Variants in PLPPR1 observed in about 807,000 individuals in gnomAD.
PLPPR1 encodes phospholipid phosphatase-related protein type 1.
A neutral mutation model predicts 33.1 loss-of-function variants in PLPPR1; 10 were observed. The observed-to-expected ratio is 0.30, with a 90% CI of 0.19 to 0.51. The LOEUF is 0.51. PLPPR1 is among the 20% of genes least tolerant of loss of function. The probability of loss-of-function intolerance (pLI) is 0.97; values close to 1 mark genes in which losing one functional copy is unlikely to be tolerated. For synonymous variants in PLPPR1, 151 were observed against 151.0 expected (o/e 1.00, Z 0.00); for missense variants, 304 against 408.1 (o/e 0.74, Z 2.20).
intron 1 of PLPPR1, among the ~76,000 whole-genome samples, chr9:101,144,436 T>C (rs766565129): frequency 6.6e-6 from 1 of 152,104 alleles, no homozygotes; most frequent in Non-Finnish European, 1.5e-5. Context: ...TTAAGTTAAA[T>C]GGGGTCATTG....
In PLPPR1 at chr9:101,178,267, C is replaced by T. The variant is rs374844819; in HGVS notation, c.-45-7183C>T. ...GGGCTCAGCATCATGGACTTCCACT[C>T]ACCAAGGCTGACCTGGCTACTGCCA... is the stretch of plus-strand genomic sequence containing the variant. On this transcript the variant is annotated intron_variant, in intron 1 of 7. Transcript: ENST00000374874. 9.8e-5 allele frequency among the ~76,000 whole-genome samples: 15 copies of T among 152,330 alleles called. No individual in the cohort carries two copies. In the East Asian group the frequency reaches 2.7e-3, roughly 27 times the overall value.
intron 2 of PLPPR1, among the ~76,000 whole-genome samples, chr9:101,192,273 A>G (rs771150463): frequency 1.3e-4 from 20 of 152,328 alleles, no homozygotes; most frequent in East Asian, 1.2e-3. Context: ...ACATTTTTAC[A>G]TTTAAGTAAC....
At chr9:101,315,544 A>T (rs1207071565) in intron 6 of PLPPR1, among the ~76,000 whole-genome samples, 1 of 152,220 alleles carries the variant, frequency 6.6e-6, no homozygotes, top group Non-Finnish European at 1.5e-5. Context: ...CATAACATGC[A>T]GCCCTGTTTC....
intron 1 of PLPPR1, among the ~76,000 whole-genome samples, chr9:101,128,661 A>G (rs533673393): frequency 6.6e-5 from 10 of 152,300 alleles, no homozygotes; most frequent in Non-Finnish European, 1.2e-4. Flanking sequence ...ATAGGTAGGT[A>G]TTATCAATTT....
chr9:101,057,798 A>G (rs117043915), intron 1 of PLPPR1, among the ~76,000 whole-genome samples: 1 of 152,134 alleles, frequency 6.6e-6, no homozygotes, highest in African/African-American at 2.4e-5. Flanking sequence ...ATTCTTTTCT[A>G]TTGGAAGGAG....
chr9:101,282,012 G>A (rs933536765), intron 3 of PLPPR1, among the ~76,000 whole-genome samples: 10 of 152,048 alleles, frequency 6.6e-5, no homozygotes, highest in Non-Finnish European at 7.4e-5. Flanking sequence ...AACTGATATC[G>A]CACCTTTTCT....
chr9:101,049,219 T>C (rs1386262990), intron 1 of PLPPR1, among the ~76,000 whole-genome samples: 1 of 152,224 alleles, frequency 6.6e-6, no homozygotes, highest in Non-Finnish European at 1.5e-5. Flanking sequence ...TTTCATTGAG[T>C]AATCCAACTT....
At chr9:101,239,064 T>A (rs1246288098) in intron 2 of PLPPR1, among the ~76,000 whole-genome samples, 4 of 120,864 alleles carry the variant, frequency 3.3e-5, no homozygotes, top group Admixed American at 8.0e-5. Flanking sequence ...TCATTGAGTG[T>A]GTGTGTGTGT....
chr9:101,181,599 G>A (rs1028437359), intron 1 of PLPPR1, among the ~76,000 whole-genome samples: 1 of 128,634 alleles, frequency 7.8e-6, no homozygotes, highest in African/African-American at 3.1e-5. Flanking sequence ...AAAGAAATTG[G>A]GTATATGTAT....
chr9:101,076,682 A>G lies in PLPPR1; in HGVS notation c.-46+47580A>G, dbSNP rs76460541. Among the ~76,000 whole-genome samples, 1,238 of 152,344 alleles carry G rather than the reference A, an allele frequency of 8.1e-3. 7 individuals are homozygous for G. The highest frequency in any genetic ancestry group is 0.013 in the Admixed American group (198 of 15,296). On this transcript the variant is annotated intron_variant, in intron 1 of 7. Transcript: ENST00000374874. ...CTAGTTGAAATAAACAATTGACTTTAGCAATGGAATATAATTAGGAGAGTT... is the reference window on the plus strand; with the variant it reads ...CTAGTTGAAATAAACAATTGACTTTGGCAATGGAATATAATTAGGAGAGTT...
intron 1 of PLPPR1, among the ~76,000 whole-genome samples, chr9:101,133,305 C>T (rs1297429045): frequency 6.6e-6 from 1 of 151,758 alleles, no homozygotes; most frequent in Non-Finnish European, 1.5e-5. Flanking sequence ...TAATTATTTC[C>T]CCTGAGTTTA....
chr9:101,206,318 T>G (rs1588071839), intron 2 of PLPPR1, among the ~76,000 whole-genome samples: 1 of 152,230 alleles, frequency 6.6e-6, no homozygotes, highest in Non-Finnish European at 1.5e-5. Context: ...GATTTCCAGG[T>G]TCATACTCTC....
chr9:101,150,730 C>T lies in PLPPR1; in HGVS notation c.-45-34720C>T, dbSNP rs183962903. ...TGTCTCTATCAACTAGGTGGTTATG[C>T]GGTGGATCATAGGAAGAGCCACTCG... On this transcript the variant is annotated intron_variant, in intron 1 of 7. Transcript: ENST00000374874. Among the ~76,000 whole-genome samples the T allele has an allele frequency of 1.9e-3, 288 of 152,232 alleles. 7 individuals are homozygous for T. The highest frequency in any genetic ancestry group is 7.6e-4 in the Non-Finnish European group (52 of 68,006).
intron 2 of PLPPR1, among the ~76,000 whole-genome samples, chr9:101,244,087 AGTGT>A (rs1371274652): frequency 6.6e-6 from 1 of 151,940 alleles, no homozygotes; most frequent in Non-Finnish European, 1.5e-5. Flanking sequence ...AGTGAACAGG[AGTGT>A]CAAATGCTGC....
chr9:101,194,459 CA>C (rs1184827360), intron 2 of PLPPR1, among the ~76,000 whole-genome samples: 1 of 152,058 alleles, frequency 6.6e-6, no homozygotes, highest in Non-Finnish European at 1.5e-5. Context: ...TTAAAAAGTT[CA>C]AAATGCTGAC....
Position 101,299,316 on chromosome 9 carries a change from C to T in PLPPR1, c.386-9895C>T, listed in dbSNP as rs563436879. Among the ~76,000 whole-genome samples the T allele has an allele frequency of 1.3e-3, 196 of 152,298 alleles. 2 individuals carry two copies. Among genetic ancestry groups the T allele is most frequent in the Non-Finnish European group, 2.0e-3 (134 of 68,016 alleles). ...AGACTAAGATGTTTGCTGCTTCCTA[C>T]TAGGGATCAGGATTGGGCTTGTGGC... On this transcript the variant is annotated intron_variant, in intron 4 of 7. Coordinates refer to ENST00000374874, the MANE Select transcript of PLPPR1 (RefSeq NM_207299.2).
intron 2 of PLPPR1, among the ~76,000 whole-genome samples, chr9:101,244,076 G>A (rs758182289): frequency 2.0e-5 from 3 of 151,928 alleles, no homozygotes; most frequent in Non-Finnish European, 4.4e-5. Flanking sequence ...AGAAAAAATG[G>A]AGTGAACAGG....
chr9:101,230,890 AT>A (rs937650229), intron 2 of PLPPR1, among the ~76,000 whole-genome samples: 1 of 143,862 alleles, frequency 7.0e-6, no homozygotes, highest in Non-Finnish European at 1.5e-5. Context: ...AAATTTATTT[AT>A]TTTTTTTCCA....
intron 2 of PLPPR1, among the ~76,000 whole-genome samples, chr9:101,228,817 G>A (rs548756493): frequency 2.1e-4 from 32 of 152,178 alleles, no homozygotes; most frequent in South Asian, 4.2e-4. Flanking sequence ...AGTAGCAGCC[G>A]AATTTTTGGG....
Sources: gnomAD v4.1 joint callset for allele counts (sites outside exome capture counted in the v4.1 genomes callset) on GRCh38, gnomAD v4.1.1 for gene constraint, MANE v1.5 for transcripts, NCBI Gene and HGNC (gene_info 2026-07-23, HGNC 2026-07-21) for gene names.